DYNC1I1: variants seen among roughly 807,000 people sequenced by gnomAD.
The protein encoded by DYNC1I1 is cytoplasmic dynein 1 intermediate chain 1.
A neutral mutation model predicts 86.6 loss-of-function variants in DYNC1I1; 43 were observed. The observed-to-expected ratio is 0.50, with a 90% CI of 0.39 to 0.64. DYNC1I1 has a LOEUF of 0.64. DYNC1I1 is among the 30% of genes least tolerant of loss of function. The pLI is 0.00. For synonymous variants in DYNC1I1, 262 were observed against 283.7 expected (o/e 0.92, Z 0.77); for missense variants, 604 against 788.8 (o/e 0.77, Z 2.81).
At chr7:96,049,661 G>C (rs1303492547) in intron 14 of DYNC1I1, among the ~76,000 whole-genome samples, 1 of 152,100 alleles carries the variant, frequency 6.6e-6, no homozygotes, top group Non-Finnish European at 1.5e-5. Context: ...GAAAGAATTG[G>C]TGCTAAGAGA....
intron 5 of DYNC1I1, among the ~76,000 whole-genome samples, chr7:95,867,627 G>T (rs1562927770): frequency 6.6e-6 from 1 of 152,204 alleles, no homozygotes; most frequent in Non-Finnish European, 1.5e-5. Context: ...CTTACGTCAT[G>T]TTAGCAGGAT....
intron 1 of DYNC1I1, among the ~76,000 whole-genome samples, chr7:95,773,349 G>A (rs1324982060): frequency 6.6e-6 from 1 of 152,190 alleles, no homozygotes; most frequent in Non-Finnish European, 1.5e-5. Context: ...GAAAAAGTGT[G>A]GCTGGGGGAT....
At chr7:96,035,970 G>A (rs1794918664) in intron 13 of DYNC1I1, among the ~76,000 whole-genome samples, 1 of 152,064 alleles carries the variant, frequency 6.6e-6, no homozygotes, top group South Asian at 2.1e-4. Context: ...AAAAAAGCTC[G>A]AGCTTCTGAG....
intron 14 of DYNC1I1, among the ~76,000 whole-genome samples, chr7:96,059,851 A>G (rs918785437): frequency 2.6e-5 from 4 of 152,186 alleles, no homozygotes; most frequent in Non-Finnish European, 5.9e-5. Flanking sequence ...CAACAACAAC[A>G]AAAAACTGAA....
At chr7:95,962,861 T>TA (rs1792908663) in intron 6 of DYNC1I1, among the ~76,000 whole-genome samples, 2 of 152,322 alleles carry the variant, frequency 1.3e-5, no homozygotes, top group South Asian at 4.1e-4. Context: ...GTCATGGCAC[T>TA]ACTAATTACC....
intron 14 of DYNC1I1, among the ~76,000 whole-genome samples, chr7:96,040,938 T>A (rs1034217386): frequency 2.0e-5 from 3 of 152,016 alleles, no homozygotes; most frequent in Admixed American, 6.6e-5. Context: ...GCCAGGCTGG[T>A]CTTGAACTCC....
At chr7:95,910,885 C>T (rs1791316575) in intron 6 of DYNC1I1, among the ~76,000 whole-genome samples, 1 of 152,108 alleles carries the variant, frequency 6.6e-6, no homozygotes. Context: ...GGTTGGCCGT[C>T]GTAATATTGG....
At chr7:95,798,770 C>A (rs1029050853) in intron 1 of DYNC1I1, among the ~76,000 whole-genome samples, 6 of 152,150 alleles carry the variant, frequency 3.9e-5, no homozygotes, top group Non-Finnish European at 8.8e-5. Context: ...TGTTACTCTG[C>A]AGCTGTGTAA....
chr7:95,790,136 A>C (rs764444813), intron 1 of DYNC1I1, among the ~76,000 whole-genome samples: 2 of 152,058 alleles, frequency 1.3e-5, no homozygotes, highest in Non-Finnish European at 1.5e-5. Flanking sequence ...GACCCCCTTA[A>C]AGCATGGCAT....
At chr7:95,794,270 T>A (rs903346034) in intron 1 of DYNC1I1, among the ~76,000 whole-genome samples, 2 of 152,184 alleles carry the variant, frequency 1.3e-5, no homozygotes, top group African/African-American at 4.8e-5. Flanking sequence ...AATACTGCTC[T>A]CTAGTTGTCC....
chr7:95,833,905 G>T (rs1396213247), intron 5 of DYNC1I1, among the ~76,000 whole-genome samples: 1 of 149,746 alleles, frequency 6.7e-6, no homozygotes, highest in Non-Finnish European at 1.5e-5. Flanking sequence ...ATACAATCAT[G>T]TTGTCTGCAA....
intron 10 of DYNC1I1, among the ~76,000 whole-genome samples, chr7:96,024,666 T>A (rs7807222): frequency 0.17 from 25,849 of 152,166 alleles, 2,401 homozygotes; most frequent in South Asian, 0.3. Context: ...TGAAATTTTT[T>A]AAAATAAAAT....
intron 9 of DYNC1I1, among the ~76,000 whole-genome samples, chr7:95,995,695 T>C (rs1353504521): frequency 6.6e-6 from 1 of 152,130 alleles, no homozygotes; most frequent in East Asian, 1.9e-4. Context: ...GCACAAAGTG[T>C]CAAATAATAC....
chr7:95,887,786 T>A (rs1053774954), intron 6 of DYNC1I1, among the ~76,000 whole-genome samples: 1 of 152,184 alleles, frequency 6.6e-6, no homozygotes, highest in African/African-American at 2.4e-5. Flanking sequence ...AGAATGCTTA[T>A]TTTAGAGCCT....
At chr7:95,925,391 T>C (rs1270130526) in intron 6 of DYNC1I1, among the ~76,000 whole-genome samples, 2 of 152,186 alleles carry the variant, frequency 1.3e-5, no homozygotes, top group African/African-American at 4.8e-5. Flanking sequence ...CATTGGCTCT[T>C]CAACATTTCC....
At chr7:96,037,993 AC>A (rs1327819647) in intron 13 of DYNC1I1, among the ~76,000 whole-genome samples, 1 of 152,136 alleles carries the variant, frequency 6.6e-6, no homozygotes, top group Non-Finnish European at 1.5e-5. Context: ...CTCATTTTGC[AC>A]CCTATAAATC....
intron 16 of DYNC1I1, among the ~76,000 whole-genome samples, chr7:96,086,973 A>C (rs954866690): frequency 6.6e-6 from 1 of 152,140 alleles, no homozygotes; most frequent in African/African-American, 2.4e-5. Context: ...TCAATGGGCC[A>C]TTTTTTTATG....
intron 6 of DYNC1I1, among the ~76,000 whole-genome samples, chr7:95,945,479 T>C (rs1280792150): frequency 6.6e-6 from 1 of 152,182 alleles, no homozygotes; most frequent in Non-Finnish European, 1.5e-5. Flanking sequence ...GAAAAAGTAC[T>C]CCTTTAGAAC....
chr7:96,108,656 G>A (rs1053502707), intron 16 of DYNC1I1, among the ~76,000 whole-genome samples: 2 of 152,034 alleles, frequency 1.3e-5, no homozygotes, highest in African/African-American at 2.4e-5. Context: ...GAGGTCAGGA[G>A]TTCAAGACCA....
Sources: allele counts gnomAD v4.1 joint callset (sites outside exome capture counted in the v4.1 genomes callset), GRCh38; gene constraint gnomAD v4.1.1; transcripts MANE v1.5; gene names NCBI Gene and HGNC (gene_info 2026-07-23, HGNC 2026-07-21).